SAG: variants seen among roughly 807,000 people sequenced by gnomAD.
SAG encodes the protein S-antigen visual arrestin, also known as S-arrestin.
A neutral mutation model predicts 55.0 loss-of-function variants in SAG; 45 were observed. The observed-to-expected ratio is 0.82, with a 90% CI of 0.64 to 1.05. The LOEUF (loss-of-function observed/expected upper bound fraction) is 1.05, where lower values mean the gene tolerates loss of function less well. SAG is among the 50% of genes least tolerant of loss of function. The pLI, the probability that SAG is intolerant of heterozygous loss-of-function variation, is 0.00. For synonymous variants in SAG, 189 were observed against 197.4 expected (o/e 0.96, Z 0.36); for missense variants, 455 against 512.1 (o/e 0.89, Z 1.08).
chr2:233,329,460 C>A, intron 8 of SAG, 33 bp from the exon 9 acceptor site: 3 of 1,346,400 alleles, frequency 2.2e-6, no homozygotes, highest in Non-Finnish European at 3.2e-6. Flanking sequence ...CACATCTGTT[C>A]TCTTCTTCTG....
intron 11 of SAG, among the ~76,000 whole-genome samples, chr2:233,336,181 A>G (rs533437450): frequency 6.6e-6 from 1 of 152,190 alleles, no homozygotes; most frequent in South Asian, 2.1e-4. Flanking sequence ...GGCTCACCAC[A>G]CTGTGGGAAT....
At chr2:233,318,581 T>C (rs1043453964) in intron 3 of SAG, among the ~76,000 whole-genome samples, 170 bp from the exon 4 acceptor site, 1 of 152,246 alleles carries the variant, frequency 6.6e-6, no homozygotes, top group African/African-American at 2.4e-5. Flanking sequence ...AATAGGTATT[T>C]TCAGGCAGTA....
intron 2 of SAG, among the ~76,000 whole-genome samples, chr2:233,310,730 C>T (rs552810859): frequency 3.2e-4 from 49 of 152,202 alleles, no homozygotes; most frequent in Non-Finnish European, 4.9e-4. Flanking sequence ...TGGTCTCGAA[C>T]TCCTGACCTC....
At chr2:233,320,396 T>C (rs1290212103) in intron 4 of SAG, among the ~76,000 whole-genome samples, 1 of 152,148 alleles carries the variant, frequency 6.6e-6, no homozygotes, top group Admixed American at 6.6e-5. Context: ...TCTGGCAACA[T>C]GATACAATTG....
At chr2:233,339,973 T>C (rs147132866) in intron 12 of SAG, among the ~76,000 whole-genome samples, 2,065 of 147,512 alleles carry the variant, frequency 0.014, 123 homozygotes, top group Admixed American at 0.081. Flanking sequence ...ACTTTTTTTT[T>C]TGAGACGGAG....
At chr2:233,344,273 T>G (rs1207970469) in intron 14 of SAG, 1 of 152,092 alleles carries the variant, frequency 6.6e-6, no homozygotes, top group Non-Finnish European at 1.5e-5. Context: ...CGAGTTCAAG[T>G]GATTCTCCTG....
chr2:233,342,709 CAAAA>C (rs1447746945), intron 14 of SAG: 1 of 196,794 alleles, frequency 5.1e-6, no homozygotes, highest in Non-Finnish European at 1.0e-5. Flanking sequence ...CATTTGGAAA[CAAAA>C]GGCCTCATGT....
chr2:233,316,367 A>AACG (rs1700217525), intron 3 of SAG, among the ~76,000 whole-genome samples: 1 of 151,828 alleles, frequency 6.6e-6, no homozygotes, highest in African/African-American at 2.4e-5. Flanking sequence ...GCTGGAGTGC[A>AACG]GTGGCATGAT....
At chr2:233,342,373 A>G in intron 14 of SAG, 47 bp downstream of exon 14, 1 of 1,418,596 alleles carries the variant, frequency 7.0e-7, no homozygotes, top group Non-Finnish European at 9.8e-7. Flanking sequence ...TGCTACTTGC[A>G]GATTTATTGT....
At chr2:233,333,263 C>T (rs1419659936) in intron 10 of SAG, 1 of 152,278 alleles carries the variant, frequency 6.6e-6, no homozygotes, top group African/African-American at 2.4e-5. Context: ...CTCGCACATC[C>T]CTGTGCCCTG....
chr2:233,327,387 G>T (rs1700595129), intron 7 of SAG, 190 bp downstream of exon 7: 4 of 515,514 alleles, frequency 7.8e-6, no homozygotes, highest in Non-Finnish European at 1.4e-5. Context: ...GAAAATGACA[G>T]GGAAGTTAGC....
chr2:233,326,056 AGGCAGTGGTGGAG>A (rs1225309131), intron 6 of SAG, among the ~76,000 whole-genome samples: 1 of 152,110 alleles, frequency 6.6e-6, no homozygotes, highest in Admixed American at 6.5e-5. Flanking sequence ...TTTCCCCTCC[AGGCAGTGGTGGAG>A]GGCAGGCCGG....
At position 233,309,254 on chromosome 2, in the gene SAG, G is replaced by A. The variant is rs371502229; in HGVS notation, c.65G>A (p.Arg22Gln). Reference sequence around the variant, plus strand: ...CATGTTATCTTCAAGAAGATCTCCCGGGACAAATCGGTGAGTGGTGCACAA... The same window carrying A: ...CATGTTATCTTCAAGAAGATCTCCCAGGACAAATCGGTGAGTGGTGCACAA... ...PNHVIFKKIS[R>Q]DKSVTIYLGN... The change falls in exon 2 of 16, where the codon CGG becomes CAG. Residue 22 changes from arginine (R) to glutamine (Q), a missense_variant. Arg to Gln is a conservative substitution (Grantham distance 43). Coordinates refer to ENST00000409110, the MANE Select transcript of SAG (RefSeq NM_000541.5). 35 of 1,613,170 alleles carry A rather than the reference G, an allele frequency of 2.2e-5. No individual in the cohort carries two copies. Among genetic ancestry groups the A allele is most frequent in the Admixed American group, 1.0e-4 (6 of 59,988 alleles).
rs1038391469 is a variant in SAG, at chr2:233,307,826, T to A, written c.-225T>A. On this transcript the variant is annotated 5_prime_UTR_variant, in exon 1 of 16. The change abolishes an upstream ATG in the 5' untranslated region. Coordinates refer to ENST00000409110, the MANE Select transcript of SAG (RefSeq NM_000541.5). ...TGGCTTTTAGACATTGAGACCTGGA[T>A]GCTGGGCATCCTCGCTAGATCCCCT... is the stretch of plus-strand genomic sequence containing the variant. 6.6e-6 allele frequency: 1 copy of A among 152,384 alleles called. No individual in the cohort carries two copies. The highest frequency in any genetic ancestry group is 2.4e-5 in the African/African-American group (1 of 41,454). 9.4% of individuals were successfully genotyped at this position (152,384 alleles called of 1,614,324 possible).
chr2:233,316,592 T>C (rs1036598763), intron 3 of SAG, among the ~76,000 whole-genome samples: 1 of 152,162 alleles, frequency 6.6e-6, no homozygotes, highest in Non-Finnish European at 1.5e-5. Context: ...ATTACAGGCA[T>C]GAGCCACTGT....
chr2:233,317,546 A>G (rs948618149), intron 3 of SAG, among the ~76,000 whole-genome samples: 2 of 152,248 alleles, frequency 1.3e-5, no homozygotes, highest in African/African-American at 4.8e-5. Flanking sequence ...TGCCTTGGCA[A>G]AACACTTTCT....
chr2:233,325,652 C>G (rs1378269368), intron 6 of SAG, among the ~76,000 whole-genome samples: 1 of 152,008 alleles, frequency 6.6e-6, no homozygotes, highest in Admixed American at 6.6e-5. Flanking sequence ...TAAGAGAGAC[C>G]CCAAATTCAG....
At chr2:233,315,765 T>C (rs1218761619) in intron 2 of SAG, among the ~76,000 whole-genome samples, 1 of 151,462 alleles carries the variant, frequency 6.6e-6, no homozygotes, top group Non-Finnish European at 1.5e-5. Context: ...TGCAGTGGCG[T>C]GCTCTTGGCT....
Position 233,319,746 on chromosome 2 carries a change from C to T in SAG, c.182-884C>T. The T allele has an allele frequency of 1.0e-6, 1 of 985,720 alleles. No homozygotes were observed. Among genetic ancestry groups the T allele is most frequent in the Non-Finnish European group, 1.2e-6 (1 of 830,074 alleles). The allele number at this position is 985,720 out of a possible 1,614,324, so 61.1% of individuals were successfully genotyped here. On this transcript the variant is annotated intron_variant, in intron 4 of 15. Coordinates refer to ENST00000409110, the MANE Select transcript of SAG (RefSeq NM_000541.5). The surrounding 1 kb of genome is among the most constrained non-coding windows in gnomAD (Gnocchi z 4.4). The stretch of plus-strand genomic sequence containing the variant: ...AAGGGCGCCTGTTCTCAGGGAAAGC[C>T]ACTGCACAGGACAGCTGTCAAACCA...
Sources: gnomAD v4.1 joint callset for allele counts (sites outside exome capture counted in the v4.1 genomes callset) on GRCh38, gnomAD v4.1.1 for gene constraint, Gnocchi (gnomAD v3.1) non-coding constraint, MANE v1.5 for transcripts, NCBI Gene and HGNC (gene_info 2026-07-23, HGNC 2026-07-21) for gene names.